Variants in AGBL4 observed in about 807,000 individuals in gnomAD.
The protein encoded by AGBL4 is cytosolic carboxypeptidase 6.
In AGBL4, 58 loss-of-function variants were observed where a neutral mutation model predicts 66.4. The observed-to-expected ratio is 0.87, with a 90% CI of 0.71 to 1.09. AGBL4 has a LOEUF of 1.09. AGBL4 is among the 50% of genes least tolerant of loss of function. The probability of loss-of-function intolerance (pLI) is 0.00; values close to 1 mark genes in which losing one functional copy is unlikely to be tolerated. For synonymous variants in AGBL4, 234 were observed against 222.9 expected, an observed-to-expected ratio of 1.05 and a Z score of -0.44; for missense variants, 579 against 631.0, an observed-to-expected ratio of 0.92 and a Z score of 0.88.
At chr1:49,838,741 CT>C (rs946010500) in intron 2 of AGBL4, among the ~76,000 whole-genome samples, 2 of 152,084 alleles carry the variant, frequency 1.3e-5, no homozygotes, top group African/African-American at 4.8e-5. Context: ...TAAATTTTAA[CT>C]GAAAATTATC....
chr1:49,897,651 T>C (rs1390709486), intron 1 of AGBL4, among the ~76,000 whole-genome samples: 2 of 151,910 alleles, frequency 1.3e-5, no homozygotes, highest in African/African-American at 4.8e-5. Context: ...CCCAAAGCTA[T>C]CCTAAGTAAA....
chr1:49,571,430 C>T (rs1019600996), intron 3 of AGBL4, among the ~76,000 whole-genome samples: 1 of 151,922 alleles, frequency 6.6e-6, no homozygotes, highest in African/African-American at 2.4e-5. Flanking sequence ...ATTTTGTATC[C>T]TGCATGATTA....
At chr1:49,958,121 C>T (rs1656792785) in intron 1 of AGBL4, among the ~76,000 whole-genome samples, 1 of 152,000 alleles carries the variant, frequency 6.6e-6, no homozygotes, top group Non-Finnish European at 1.5e-5. Context: ...ACTTATGAAG[C>T]TTAGTTTGGC....
chr1:49,032,392 G>T (rs1664304437), intron 5 of AGBL4, among the ~76,000 whole-genome samples: 2 of 152,188 alleles, frequency 1.3e-5, no homozygotes, highest in African/African-American at 4.8e-5. Context: ...AGAAGAGAAT[G>T]ACAAGGAGTG....
intron 3 of AGBL4, among the ~76,000 whole-genome samples, chr1:49,493,318 G>A (rs941474739): frequency 1.3e-5 from 2 of 151,912 alleles, no homozygotes; most frequent in African/African-American, 2.4e-5. Context: ...AGAAACAAGA[G>A]CAGATAATTT....
chr1:49,948,512 T>C (rs1303816555), intron 1 of AGBL4, among the ~76,000 whole-genome samples: 1 of 106,968 alleles, frequency 9.3e-6, no homozygotes, highest in Non-Finnish European at 1.8e-5. Context: ...TATAAATATA[T>C]AAAAATATAA....
At chr1:48,944,201 G>A (rs1656256925) in intron 5 of AGBL4, among the ~76,000 whole-genome samples, 1 of 152,152 alleles carries the variant, frequency 6.6e-6, no homozygotes, top group Non-Finnish European at 1.5e-5. Flanking sequence ...GGCCAGCTGG[G>A]ACCACAGAGG....
intron 3 of AGBL4, among the ~76,000 whole-genome samples, chr1:49,274,992 C>T (rs1644139220): frequency 6.6e-6 from 1 of 152,144 alleles, no homozygotes; most frequent in South Asian, 2.1e-4. Flanking sequence ...ATCTTTCTCA[C>T]ATAATTTCTC....
intron 3 of AGBL4, among the ~76,000 whole-genome samples, chr1:49,478,068 A>G (rs902897322): frequency 1.3e-4 from 20 of 151,844 alleles, no homozygotes; most frequent in African/African-American, 2.4e-5. Context: ...TGCTTGCAGG[A>G]TTTAGAAAAT....
intron 3 of AGBL4, among the ~76,000 whole-genome samples, chr1:49,272,850 T>G (rs1201979832): frequency 1.3e-5 from 2 of 152,186 alleles, no homozygotes; most frequent in Non-Finnish European, 2.9e-5. Context: ...ACTTGTCAAG[T>G]TCATATAATT....
chr1:49,289,549 T>C (rs550416193), intron 3 of AGBL4, among the ~76,000 whole-genome samples: 1 of 152,330 alleles, frequency 6.6e-6, no homozygotes, highest in East Asian at 1.9e-4. Context: ...AAATAGTGGT[T>C]ACATGTCTGT....
At chr1:49,153,530 T>C (rs1020003779) in intron 4 of AGBL4, among the ~76,000 whole-genome samples, 4 of 152,082 alleles carry the variant, frequency 2.6e-5, no homozygotes, top group African/African-American at 9.7e-5. Flanking sequence ...CCACAATAGC[T>C]TCCTTTATAC....
chr1:49,946,186 AACTAC>A (rs61088224), intron 1 of AGBL4, among the ~76,000 whole-genome samples: 47,175 of 151,362 alleles, frequency 0.31, 8,056 homozygotes, highest in East Asian at 0.72. Flanking sequence ...AAAAAATTTA[AACTAC>A]ACCCTGGAAC....
chr1:49,237,099 C>CA (rs556190642), intron 4 of AGBL4, among the ~76,000 whole-genome samples: 4,866 of 134,496 alleles, frequency 0.036, 86 homozygotes, highest in Non-Finnish European at 0.052. Flanking sequence ...ACTAAAAATA[C>CA]AAAAAAAAAA....
intron 5 of AGBL4, among the ~76,000 whole-genome samples, chr1:49,044,379 C>T (rs1409646698): frequency 6.6e-6 from 1 of 151,990 alleles, no homozygotes; most frequent in African/African-American, 2.4e-5. Context: ...ATCCCAGCTA[C>T]TCGGGAGGCT....
chr1:49,563,076 G>A (rs1644093949), intron 3 of AGBL4, among the ~76,000 whole-genome samples: 1 of 152,010 alleles, frequency 6.6e-6, no homozygotes, highest in Non-Finnish European at 1.5e-5. Flanking sequence ...AAGCAATTGT[G>A]AATGGGAGTT....
chr1:48,650,864 T>C (rs1645918388), intron 8 of AGBL4, among the ~76,000 whole-genome samples: 2 of 152,186 alleles, frequency 1.3e-5, no homozygotes, highest in African/African-American at 2.4e-5. Context: ...AAAAGTCGTA[T>C]GAATAAAAGA....
intron 6 of AGBL4, among the ~76,000 whole-genome samples, chr1:48,824,338 C>T (rs913310397): frequency 7.9e-5 from 12 of 152,112 alleles, no homozygotes; most frequent in Admixed American, 3.3e-4. Flanking sequence ...GCAGACTTTT[C>T]TTATGAAGAC....
rs142762756 is a variant in AGBL4, at chr1:48,774,861, C to G, written c.634+92330G>C. 4.7e-3 allele frequency among the ~76,000 whole-genome samples: 712 copies of G among 152,270 alleles called. 4 individuals are homozygous for G. The highest frequency in any genetic ancestry group is 0.016 in the African/African-American group (673 of 41,542). ...AACAATCTCCAAGAGAGGAAAACAG[C>G]CATTACACACTAAGAAACTTATCAC... On this transcript the variant is annotated intron_variant, in intron 6 of 13. Transcript: ENST00000371839.
Sources: gnomAD v4.1 joint callset for allele counts (sites outside exome capture counted in the v4.1 genomes callset) on GRCh38, gnomAD v4.1.1 for gene constraint, MANE v1.5 for transcripts, NCBI Gene and HGNC (gene_info 2026-07-23, HGNC 2026-07-21) for gene names.